IGF2BP2: variants seen among roughly 807,000 people sequenced by gnomAD.
IGF2BP2 encodes insulin-like growth factor 2 mRNA-binding protein 2.
IGF2BP2 carries 17 observed loss-of-function variants against 75.8 expected under a neutral mutation model. The ratio of observed to expected loss-of-function variants is 0.22; its 90% CI spans 0.15 to 0.34. The LOEUF is 0.34. Among genes scored for constraint, IGF2BP2 ranks in the 10% least tolerant of loss-of-function variants. IGF2BP2 has a pLI of 1.00. For missense variants in IGF2BP2, 516 were observed against 772.4 expected (o/e 0.67, Z 3.93); for synonymous variants, 288 against 295.6 (o/e 0.97, Z 0.26).
At chr3:185,807,502 G>GT (rs1383779377) in intron 2 of IGF2BP2, among the ~76,000 whole-genome samples, 11 of 152,232 alleles carry the variant, frequency 7.2e-5, no homozygotes, top group Non-Finnish European at 1.3e-4. Context: ...AATTATAAAT[G>GT]TAAGGGGATT....
intron 2 of IGF2BP2, among the ~76,000 whole-genome samples, chr3:185,707,916 G>T (rs572429153): frequency 6.6e-6 from 1 of 152,170 alleles, no homozygotes; most frequent in Non-Finnish European, 1.5e-5. Flanking sequence ...CAAGGGCTTC[G>T]CTGAACACTA....
chr3:185,649,552 G>GACTAAT lies in IGF2BP2; in HGVS notation c.1462-24_1462-19dup. 1 of 1,613,720 alleles carries GACTAAT rather than the reference G, an allele frequency of 6.2e-7. No homozygotes were observed. Among genetic ancestry groups the GACTAAT allele is most frequent in the Non-Finnish European group, 8.5e-7 (1 of 1,179,806 alleles). ...CCCTGGGCCTGAGAGAGCAAGACAT[G>GACTAAT]ACTAATGACTCTCAGTCAGCCAGCA... is the stretch of plus-strand genomic sequence containing the variant. On this transcript the variant is annotated intron_variant, in intron 13 of 15. Coordinates refer to ENST00000382199, the MANE Select transcript of IGF2BP2 (RefSeq NM_006548.6).
intron 2 of IGF2BP2, among the ~76,000 whole-genome samples, chr3:185,720,092 C>T (rs1278164746): frequency 6.6e-6 from 1 of 152,210 alleles, no homozygotes; most frequent in Non-Finnish European, 1.5e-5. Context: ...CAACAAGGAG[C>T]TTGTGGGCAC....
At chr3:185,668,504 GAGAGATAT>G (rs1405912992) in intron 10 of IGF2BP2, among the ~76,000 whole-genome samples, 29 of 123,012 alleles carry the variant, frequency 2.4e-4, no homozygotes, top group African/African-American at 9.0e-4. Flanking sequence ...GAGAGAGAGA[GAGAGATAT>G]ATATATATAT....
intron 2 of IGF2BP2, among the ~76,000 whole-genome samples, chr3:185,701,238 C>CT (rs1175028574): frequency 1.3e-5 from 2 of 151,578 alleles, no homozygotes; most frequent in African/African-American, 2.4e-5. Context: ...CCCTTGTTTA[C>CT]TTTTTAAAAT....
intron 2 of IGF2BP2, among the ~76,000 whole-genome samples, chr3:185,721,802 G>A (rs1007924062): frequency 1.5e-4 from 23 of 151,982 alleles, no homozygotes; most frequent in African/African-American, 5.1e-4. Context: ...GGGCTAACAC[G>A]GCCTGGGTAA....
intron 2 of IGF2BP2, among the ~76,000 whole-genome samples, chr3:185,796,635 G>GAC (rs1373285091): frequency 1.6e-5 from 2 of 121,674 alleles, no homozygotes; most frequent in African/African-American, 3.2e-5. Flanking sequence ...AAAAAAAAAA[G>GAC]AGAGAGAGAC....
chr3:185,667,881 C>T (rs547453763), intron 10 of IGF2BP2, among the ~76,000 whole-genome samples: 1 of 152,270 alleles, frequency 6.6e-6, no homozygotes, highest in Admixed American at 6.5e-5. Flanking sequence ...TGCGCGTGCT[C>T]ACTTTGTGTT....
chr3:185,657,420 G>T lies in IGF2BP2; in HGVS notation c.1270-18C>A. 1 of 1,573,684 alleles carries T rather than the reference G, an allele frequency of 6.4e-7. No individual in the cohort carries two copies. The highest frequency in any genetic ancestry group is 8.7e-7 in the Non-Finnish European group (1 of 1,144,966). ...TCTGGATACTGGGAGGGCGAGACAA[G>T]AAAGAAGACATCATTCCAACCAGGC... is the stretch of plus-strand genomic sequence containing the variant. On this transcript the variant is annotated intron_variant, in intron 11 of 15. Coordinates refer to ENST00000382199, the MANE Select transcript of IGF2BP2 (RefSeq NM_006548.6).
intron 2 of IGF2BP2, among the ~76,000 whole-genome samples, chr3:185,780,339 A>C (rs924176265): frequency 6.6e-6 from 1 of 152,200 alleles, no homozygotes; most frequent in African/African-American, 2.4e-5. Context: ...TGAAAGGAGA[A>C]TACATCACTT....
chr3:185,818,774 A>G (rs1560520250), intron 2 of IGF2BP2, among the ~76,000 whole-genome samples: 1 of 152,190 alleles, frequency 6.6e-6, no homozygotes. Context: ...GTTCCTGTAG[A>G]AATCTGGTTT....
rs77553485 is a variant in IGF2BP2 at position 185,684,931 on chromosome 3, T to A, written c.812+2126A>T. Among the ~76,000 whole-genome samples, 645 of 151,974 alleles carry A rather than the reference T, an allele frequency of 4.2e-3. 6 individuals carry two copies. The highest frequency in any genetic ancestry group is 0.015 in the African/African-American group (607 of 41,420). ...TTAGCACAGTGTAGGCACTGAAAAATTTTTTTTCTAAGATATTCAAACTCT... is the reference window on the plus strand; with the variant it reads ...TTAGCACAGTGTAGGCACTGAAAAAATTTTTTTCTAAGATATTCAAACTCT... On this transcript the variant is annotated intron_variant, in intron 7 of 15. Coordinates refer to ENST00000382199, the MANE Select transcript of IGF2BP2 (RefSeq NM_006548.6).
At chr3:185,777,532 G>A (rs13092876) in intron 2 of IGF2BP2, among the ~76,000 whole-genome samples, 67,636 of 151,526 alleles carry the variant, frequency 0.45, 18,025 homozygotes, top group African/African-American at 0.76. Flanking sequence ...ACTTCTAAAA[G>A]AAAAACCCCA....
At chr3:185,819,026 A>T (rs781006417) in intron 2 of IGF2BP2, among the ~76,000 whole-genome samples, 66 of 152,204 alleles carry the variant, frequency 4.3e-4, no homozygotes, top group Admixed American at 9.8e-4. Context: ...CTCTTAAAGA[A>T]AACATATTGC....
At chr3:185,667,957 C>T (rs908964519) in intron 10 of IGF2BP2, among the ~76,000 whole-genome samples, 1 of 152,162 alleles carries the variant, frequency 6.6e-6, no homozygotes, top group Non-Finnish European at 1.5e-5. Flanking sequence ...TTTTCTCAGA[C>T]ATAATGCTAT....
chr3:185,691,784 G>T (rs1465573354), intron 5 of IGF2BP2, among the ~76,000 whole-genome samples: 1 of 152,112 alleles, frequency 6.6e-6, no homozygotes, highest in Non-Finnish European at 1.5e-5. Flanking sequence ...GCCCAGGCTG[G>T]ATGGTAGTGG....
intron 2 of IGF2BP2, among the ~76,000 whole-genome samples, chr3:185,807,122 A>T (rs999017037): frequency 6.6e-6 from 1 of 152,220 alleles, no homozygotes. Context: ...AACTTTATTG[A>T]TACTAGAAGG....
At chr3:185,695,834 A>T (rs988110117) in intron 4 of IGF2BP2, among the ~76,000 whole-genome samples, 1 of 152,172 alleles carries the variant, frequency 6.6e-6, no homozygotes, top group African/African-American at 2.4e-5. Flanking sequence ...TCTGTCACCC[A>T]GGCTGGAGTT....
intron 2 of IGF2BP2, among the ~76,000 whole-genome samples, chr3:185,770,191 T>C (rs974144090): frequency 3.9e-5 from 6 of 152,158 alleles, no homozygotes; most frequent in Non-Finnish European, 7.3e-5. Context: ...AGGGATGTGG[T>C]GGCGGGCGTG....
Sources: gnomAD v4.1 joint callset for allele counts (sites outside exome capture counted in the v4.1 genomes callset) on GRCh38, gnomAD v4.1.1 for gene constraint, MANE v1.5 for transcripts, NCBI Gene and HGNC (gene_info 2026-07-23, HGNC 2026-07-21) for gene names.